Variants in ZNF804A observed in about 807,000 individuals in gnomAD.
ZNF804A encodes zinc finger protein 804A.
A neutral mutation model predicts 16.5 loss-of-function variants in ZNF804A; 2 were observed. The observed-to-expected ratio is 0.12, with a 90% CI of 0.05 to 0.38. ZNF804A has a LOEUF of 0.38. Among genes scored for constraint, ZNF804A ranks in the 10% least tolerant of loss-of-function variants. The pLI, the probability that ZNF804A is intolerant of heterozygous loss-of-function variation, is 0.99. For missense variants in ZNF804A, 1,473 were observed against 1,390.7 expected, an observed-to-expected ratio of 1.06 and a Z score of -0.94; for synonymous variants, 534 against 489.6, an observed-to-expected ratio of 1.09 and a Z score of -1.20.
intron 1 of ZNF804A, among the ~76,000 whole-genome samples, chr2:184,821,184 C>A (rs1253142034): frequency 2.0e-5 from 3 of 152,020 alleles, no homozygotes; most frequent in Non-Finnish European, 2.9e-5. Context: ...GCTGCAGTAA[C>A]CAAACAGCAT....
intron 1 of ZNF804A, among the ~76,000 whole-genome samples, chr2:184,781,452 T>C (rs1010575655): frequency 3.3e-5 from 5 of 151,818 alleles, no homozygotes; most frequent in African/African-American, 1.2e-4. Context: ...TAAAACAAGA[T>C]AAAGTAACAT....
chr2:184,891,258 T>G (rs1235137893), intron 2 of ZNF804A, among the ~76,000 whole-genome samples: 1 of 152,160 alleles, frequency 6.6e-6, no homozygotes, highest in Non-Finnish European at 1.5e-5. Context: ...TTCTAAAATA[T>G]GGTTAAATAT....
intron 1 of ZNF804A, among the ~76,000 whole-genome samples, chr2:184,832,396 C>T (rs1424635216): frequency 1.3e-5 from 2 of 152,150 alleles, no homozygotes; most frequent in East Asian, 3.9e-4. Flanking sequence ...GCTTATTCTT[C>T]ATGAATATTT....
intron 1 of ZNF804A, among the ~76,000 whole-genome samples, chr2:184,716,530 T>C (rs1693216687): frequency 6.6e-6 from 1 of 152,160 alleles, no homozygotes. Context: ...TAACTCCTGA[T>C]GGCAGTAATG....
At chr2:184,727,487 A>G (rs865973279) in intron 1 of ZNF804A, among the ~76,000 whole-genome samples, 1 of 151,746 alleles carries the variant, frequency 6.6e-6, no homozygotes, top group Middle Eastern at 3.4e-3. Flanking sequence ...TTATTTTTCT[A>G]CTAACTCATG....
chr2:184,933,932 T>A (rs1685744735), intron 3 of ZNF804A, among the ~76,000 whole-genome samples, 199 bp downstream of exon 3: 1 of 152,042 alleles, frequency 6.6e-6, no homozygotes, highest in African/African-American at 2.4e-5. Context: ...CACATTTCAG[T>A]AAAAAGCCAA....
At chr2:184,778,019 G>A (rs968334909) in intron 1 of ZNF804A, among the ~76,000 whole-genome samples, 1 of 151,582 alleles carries the variant, frequency 6.6e-6, no homozygotes, top group African/African-American at 2.4e-5. Flanking sequence ...GATTATGTTA[G>A]CTTTTTTAAT....
chr2:184,611,670 G>A (rs1209983696), intron 1 of ZNF804A, among the ~76,000 whole-genome samples: 6 of 148,664 alleles, frequency 4.0e-5, no homozygotes, highest in Admixed American at 1.3e-4. Flanking sequence ...ACTAGGGGGC[G>A]ACATAACATT....
intron 1 of ZNF804A, among the ~76,000 whole-genome samples, chr2:184,840,607 C>A (rs1695421260): frequency 6.6e-6 from 1 of 152,044 alleles, no homozygotes; most frequent in Non-Finnish European, 1.5e-5. Flanking sequence ...AAGATTCTTT[C>A]TTTTAGTAAA....
intron 2 of ZNF804A, among the ~76,000 whole-genome samples, chr2:184,882,341 A>G (rs1244623591): frequency 6.6e-6 from 1 of 152,066 alleles, no homozygotes; most frequent in Non-Finnish European, 1.5e-5. Flanking sequence ...AGACTTCAAT[A>G]ACCGTAACAT....
At chr2:184,926,277 AG>A (rs1685610271) in intron 2 of ZNF804A, among the ~76,000 whole-genome samples, 1 of 100,808 alleles carries the variant, frequency 9.9e-6, no homozygotes, top group Admixed American at 1.3e-4. Context: ...TTACTATTCT[AG>A]GGTAAATTTT....
intron 2 of ZNF804A, among the ~76,000 whole-genome samples, chr2:184,899,742 T>C (rs1400707391): frequency 6.6e-6 from 1 of 151,898 alleles, no homozygotes; most frequent in Admixed American, 6.6e-5. Flanking sequence ...ATTTGAATCT[T>C]ATTTGTTTCT....
chr2:184,865,937 T>C (rs926354400), intron 1 of ZNF804A, among the ~76,000 whole-genome samples: 4 of 152,134 alleles, frequency 2.6e-5, no homozygotes, highest in African/African-American at 9.7e-5. Context: ...AATACAAAAC[T>C]TGTATATTTG....
intron 1 of ZNF804A, among the ~76,000 whole-genome samples, chr2:184,642,715 T>A (rs1391160061): frequency 6.6e-6 from 1 of 152,148 alleles, no homozygotes; most frequent in Non-Finnish European, 1.5e-5. Context: ...TACCCACGTT[T>A]TATACCCACA....
At chr2:184,748,072 A>G (rs1693821392) in intron 1 of ZNF804A, among the ~76,000 whole-genome samples, 1 of 151,196 alleles carries the variant, frequency 6.6e-6, no homozygotes, top group Non-Finnish European at 1.5e-5. Flanking sequence ...TGTCTTTGCT[A>G]TTGTAAATAG....
chr2:184,862,825 T>A (rs1175010912), intron 1 of ZNF804A, among the ~76,000 whole-genome samples: 1 of 152,104 alleles, frequency 6.6e-6, no homozygotes, highest in Non-Finnish European at 1.5e-5. Flanking sequence ...AACAACCTAT[T>A]TTTAAATATT....
At chr2:184,749,916 A>G (rs1221632267) in intron 1 of ZNF804A, among the ~76,000 whole-genome samples, 1 of 151,374 alleles carries the variant, frequency 6.6e-6, no homozygotes. Flanking sequence ...CTGCAAAAGT[A>G]TAAAGATAAT....
At chr2:184,809,624 G>A (rs954630038) in intron 1 of ZNF804A, among the ~76,000 whole-genome samples, 3 of 151,792 alleles carry the variant, frequency 2.0e-5, no homozygotes, top group African/African-American at 7.3e-5. Flanking sequence ...ACCTACATAT[G>A]TATGCATTTA....
At chr2:184,828,324 A>G (rs1695204859) in intron 1 of ZNF804A, among the ~76,000 whole-genome samples, 1 of 151,868 alleles carries the variant, frequency 6.6e-6, no homozygotes. Flanking sequence ...TTACAATGTG[A>G]TAACAAAATA....
Sources: gnomAD v4.1 joint callset for allele counts (sites outside exome capture counted in the v4.1 genomes callset) on GRCh38, gnomAD v4.1.1 for gene constraint, MANE v1.5 for transcripts, NCBI Gene and HGNC (gene_info 2026-07-23, HGNC 2026-07-21) for gene names.